CLSPN: variants seen among roughly 807,000 people sequenced by gnomAD.
CLSPN encodes claspin homolog.
Under a neutral mutation model 156.3 loss-of-function variants are expected in CLSPN, and 85 were observed. That is an observed-to-expected ratio of 0.54 (90% CI 0.46 to 0.65). The LOEUF is 0.65. Ranked by LOEUF, CLSPN falls within the 30% of genes least tolerant of loss-of-function variation. CLSPN has a pLI of 0.00. For missense variants in CLSPN, 1,407 were observed against 1,554.9 expected, an observed-to-expected ratio of 0.90 and a Z score of 1.60; for synonymous variants, 534 against 542.4, an observed-to-expected ratio of 0.98 and a Z score of 0.22.
chr1:35,735,157 A>AT lies in CLSPN; in HGVS notation c.*1338dup. On this transcript the variant is annotated 3_prime_UTR_variant, in exon 25 of 25. Transcript: ENST00000318121. ...TGAACAACAGTGCTTCAAATTGAGAATTCAGTCCCAGGAAGGGTCTCTCTG... is the reference window on the plus strand; with the variant it reads ...TGAACAACAGTGCTTCAAATTGAGAATTTCAGTCCCAGGAAGGGTCTCTCTG... 2 of 985,434 alleles carry AT rather than the reference A, an allele frequency of 2.0e-6. No individual in the cohort carries two copies. The highest frequency in any genetic ancestry group is 2.4e-6 in the Non-Finnish European group (2 of 829,924). 61.0% of individuals were successfully genotyped at this position (985,434 alleles called of 1,614,324 possible). A position where few individuals can be genotyped will look rare whatever the true frequency, so the allele number is the denominator to read the frequency against.
Position 35,746,289 on chromosome 1 carries a change from A to C in CLSPN, c.2854+477T>G, listed in dbSNP as rs1398096143. 6.6e-6 allele frequency among the ~76,000 whole-genome samples: 1 copy of C among 152,202 alleles called. No homozygotes were observed. Among genetic ancestry groups the C allele is most frequent in the Non-Finnish European group, 1.5e-5 (1 of 68,030 alleles). On this transcript the variant is annotated intron_variant, in intron 15 of 24. Coordinates refer to ENST00000318121, the MANE Select transcript of CLSPN (RefSeq NM_022111.4). This position sits in a 1 kb window ranked among gnomAD's most constrained non-coding sequence, Gnocchi z 4.2. ...TACTTTACCACTCTAAGAAAGTAAG[A>C]GTTCTAAATATCAGGGCACTAAGCA...
chr1:35,731,770 G>A (rs769924191), downstream of CLSPN, among the ~76,000 whole-genome samples: 3 of 152,160 alleles, frequency 2.0e-5, no homozygotes, highest in Non-Finnish European at 2.9e-5. Context: ...CAGATTTCCA[G>A]TCTGAGTGAC....
At chr1:35,730,505 T>C (rs565272880), downstream of CLSPN, among the ~76,000 whole-genome samples, 44 of 145,064 alleles carry the variant, frequency 3.0e-4, no homozygotes, top group Middle Eastern at 3.6e-3. Context: ...GAGGCCGAGG[T>C]TGCAGTGAGC....
chr1:35,744,215 T>C (rs145522118), intron 16 of CLSPN, among the ~76,000 whole-genome samples: 70 of 152,350 alleles, frequency 4.6e-4, no homozygotes, highest in African/African-American at 1.6e-3. Context: ...AAGTATCTCA[T>C]GTAAGTGGAC....
intron 24 of CLSPN, among the ~76,000 whole-genome samples, chr1:35,723,437 A>G (rs1641117513): frequency 6.6e-6 from 1 of 152,198 alleles, no homozygotes; most frequent in Non-Finnish European, 1.5e-5. Context: ...ACCAGAGAAG[A>G]TGAGAGGAAT....
intron 24 of CLSPN, among the ~76,000 whole-genome samples, chr1:35,726,331 T>C (rs1641190007): frequency 6.6e-6 from 1 of 152,054 alleles, no homozygotes; most frequent in South Asian, 2.1e-4. Context: ...GTCACTCCTC[T>C]TCCCAGACCC....
At chr1:35,729,760 C>T (rs1641272338), downstream of CLSPN, among the ~76,000 whole-genome samples, 1 of 152,202 alleles carries the variant, frequency 6.6e-6, no homozygotes, top group African/African-American at 2.4e-5. Context: ...CTCCTTCCCA[C>T]TCAGCTCTAC....
intron 1 of CLSPN, among the ~76,000 whole-genome samples, chr1:35,767,809 G>T (rs1642723860): frequency 6.6e-6 from 1 of 152,172 alleles, no homozygotes; most frequent in Non-Finnish European, 1.5e-5. Context: ...TTGAAGTAAG[G>T]TGATGGGTTC....
At chr1:35,729,068 T>C (rs112324775), downstream of CLSPN, among the ~76,000 whole-genome samples, 900 of 151,916 alleles carry the variant, frequency 5.9e-3, 7 homozygotes, top group African/African-American at 0.021. Context: ...GTTTTCCAAA[T>C]AACCTGTCTT....
At position 35,739,558 on chromosome 1, in the gene CLSPN, T is replaced by C. The variant is rs529055956; in HGVS notation, c.3144-29A>G. On this transcript the variant is annotated intron_variant, in intron 18 of 24. Coordinates refer to ENST00000318121, the MANE Select transcript of CLSPN (RefSeq NM_022111.4). ...GAAAGCAATTTTGAGGATTAGAAAA[T>C]GCAACAATGAATATACTCACAGAAT... 89 of 1,585,510 alleles carry C rather than the reference T, an allele frequency of 5.6e-5. 4 individuals carry two copies. The South Asian group carries it at 7.5e-4, about 13-fold the overall frequency.
chr1:35,755,290 G>A (rs564292558), intron 8 of CLSPN, among the ~76,000 whole-genome samples: 74 of 147,278 alleles, frequency 5.0e-4, no homozygotes, highest in African/African-American at 1.8e-3. Context: ...TTTTTGAGAC[G>A]GAGTCTCACT....
At chr1:35,737,916 G>T (rs949499201) in intron 22 of CLSPN, 76 bp downstream of exon 22, 5 of 766,420 alleles carry the variant, frequency 6.5e-6, no homozygotes, top group Non-Finnish European at 1.0e-5. Flanking sequence ...AACAGCTCCT[G>T]AAGGTTAGAG....
chr1:35,721,005 A>G (rs777496037), intron 24 of CLSPN: 1 of 1,509,046 alleles, frequency 6.6e-7, no homozygotes, highest in African/African-American at 1.4e-5. Flanking sequence ...AAGGAAGACG[A>G]GGCAGGGAAG....
intron 8 of CLSPN, among the ~76,000 whole-genome samples, chr1:35,757,066 C>A (rs985799530): frequency 1.3e-5 from 2 of 152,124 alleles, no homozygotes; most frequent in Non-Finnish European, 2.9e-5. Context: ...CAGGTCCAAC[C>A]CCTCCACCAA....
chr1:35,765,165 T>C, intron 2 of CLSPN, 53 bp downstream of exon 2: 1 of 1,039,260 alleles, frequency 9.6e-7, no homozygotes, highest in Non-Finnish European at 1.5e-6. Context: ...CCAATCTACT[T>C]ACAACTGAGG....
At position 35,732,523 on chromosome 1, in the gene CLSPN, G is replaced by T; in HGVS notation, c.*3973C>A. ...TTATGGAAGAGACCCTAGTATGGCTGTGCAACTGTGAATTAATGAGATGAA... is the reference window on the plus strand; with the variant it reads ...TTATGGAAGAGACCCTAGTATGGCTTTGCAACTGTGAATTAATGAGATGAA... On this transcript the variant is annotated 3_prime_UTR_variant, in exon 25 of 25. Transcript: ENST00000318121. 1.0e-6 allele frequency: 1 copy of T among 985,418 alleles called. No homozygotes were observed. The allele number at this position is 985,418 out of a possible 1,614,324, so 61.0% of individuals were successfully genotyped here. A position where few individuals can be genotyped will look rare whatever the true frequency, so the allele number is the denominator to read the frequency against.
intron 16 of CLSPN, 174 bp from the exon 17 acceptor site, chr1:35,743,704 A>T (rs1571200401): frequency 1.7e-6 from 1 of 584,258 alleles, no homozygotes; most frequent in East Asian, 2.8e-5. Context: ...GCTCACTGTA[A>T]CCTCCACCTC....
rs143418441 is a variant in CLSPN at position 35,726,778 on chromosome 1, C to T, written c.3910-5798G>A. ...GATCCCAGGCACGGAGCTTGCCGGA[C>T]GAGGAGCAGGGGAAGGGGCACAGTA... is the stretch of plus-strand genomic sequence containing the variant. On this transcript the variant is annotated intron_variant, in intron 24 of 24. Transcript: ENST00000251195. 3.3e-5 allele frequency among the ~76,000 whole-genome samples: 5 copies of T among 152,228 alleles called. 1 individual carries two copies. The highest frequency in any genetic ancestry group is 2.1e-4 in the South Asian group (1 of 4,820).
downstream of CLSPN, among the ~76,000 whole-genome samples, chr1:35,728,730 A>G (rs1300942752): frequency 6.6e-6 from 1 of 152,164 alleles, no homozygotes; most frequent in African/African-American, 2.4e-5. Context: ...CTGTTCTTCT[A>G]TAGCCCTGAT....
Sources: gnomAD v4.1 joint callset for allele counts (sites outside exome capture counted in the v4.1 genomes callset) on GRCh38, gnomAD v4.1.1 for gene constraint, Gnocchi (gnomAD v3.1) non-coding constraint, MANE v1.5 for transcripts, NCBI Gene and HGNC (gene_info 2026-07-23, HGNC 2026-07-21) for gene names.